The following ZNF500 variants were observed in gnomAD, a reference collection of about 807,000 sequenced individuals.
ZNF500 encodes the protein zinc finger protein with KRAB and SCAN domains 18.
ZNF500 carries 31 observed loss-of-function variants against 30.1 expected under a neutral mutation model. That is an observed-to-expected ratio of 1.03 (90% CI 0.77 to 1.39). ZNF500 has a LOEUF of 1.39. Ranked by LOEUF, ZNF500 falls within the 40% of genes most tolerant of loss-of-function variation. The pLI is 0.00. For synonymous variants in ZNF500, 392 were observed against 282.0 expected (o/e 1.39, Z -3.91); for missense variants, 817 against 657.8 (o/e 1.24, Z -2.65).
downstream of ZNF500, among the ~76,000 whole-genome samples, chr16:4,745,943 ACT>A (rs1177394795): frequency 2.3e-5 from 3 of 130,784 alleles, no homozygotes; most frequent in East Asian, 2.3e-4. Context: ...ACAGAGCAAG[ACT>A]CTGTCTCAAA....
In ZNF500 at chr16:4,752,088, A is replaced by G; in HGVS notation, c.*288T>C. The G allele has an allele frequency of 2.3e-6, 3 of 1,317,552 alleles. No individual in the cohort carries two copies. The highest frequency in any genetic ancestry group is 2.8e-4 in the Middle Eastern group (1 of 3,542). The allele number at this position is 1,317,552 out of a possible 1,614,324, so 81.6% of individuals were successfully genotyped here. On this transcript the variant is annotated 3_prime_UTR_variant, in exon 6 of 6. Coordinates refer to ENST00000219478, the MANE Select transcript of ZNF500 (RefSeq NM_021646.4). The stretch of plus-strand genomic sequence containing the variant: ...AGGAGCCAGCCCCACGAACACCTTG[A>G]GTGTCGGCTTCTGGCCTCCTGAGTG...
In ZNF500 at chr16:4,752,382, T is replaced by C; in HGVS notation, c.1437A>G (p.Lys479=). Residue 479 remains lysine, a synonymous_variant, in exon 6 of 6, where the codon AAA becomes AAG. Coordinates refer to ENST00000219478, the MANE Select transcript of ZNF500 (RefSeq NM_021646.4). The stretch of plus-strand genomic sequence containing the variant: ...GGAGTTTCAGGCCTGGTGATCAGGC[T>C]TTGGCACCGGGGCCTCCAGGAGCCA... The part of the protein sequence containing the change: ...QPVAPGGPGA[K]A The C allele has an allele frequency of 6.7e-7, 1 of 1,498,480 alleles. No homozygotes were observed. The highest frequency in any genetic ancestry group is 8.9e-7 in the Non-Finnish European group (1 of 1,126,750). 92.8% of individuals were successfully genotyped at this position (1,498,480 alleles called of 1,614,324 possible).
chr16:4,746,196 G>A (rs2082015610), downstream of ZNF500: 1 of 603,858 alleles, frequency 1.7e-6, no homozygotes, highest in South Asian at 2.6e-5. Flanking sequence ...GCCAGTGGTG[G>A]CCTAAATCTC....
Position 4,765,870 on chromosome 16 carries a change from G to A in ZNF500, c.109C>T (p.Pro37Ser), listed in dbSNP as rs201050302. The A allele has an allele frequency of 1.7e-4, 277 of 1,613,764 alleles. 1 individual carries two copies. The East Asian group carries it at 5.7e-3, about 33-fold the overall frequency. ...CTGGGGTCCTCCGTCTCCACGGAGGGCTCCTCTTCCAAGCAGAAGTCCTCC... is the reference window on the plus strand; with the variant it reads ...CTGGGGTCCTCCGTCTCCACGGAGGACTCCTCTTCCAAGCAGAAGTCCTCC... ...VEEDFCLEEE[P>S]SVETEDPSPE... Residue 37 changes from proline to serine, a missense_variant, in exon 2 of 6, where the codon CCC (proline) becomes TCC (serine). Transcript: ENST00000219478.
Position 4,752,767 on chromosome 16 carries a change from C to T in ZNF500, c.1052G>A (p.Arg351Gln), listed in dbSNP as rs376924975. The T allele has an allele frequency of 8.1e-6, 13 of 1,614,124 alleles. No homozygotes were observed. Among genetic ancestry groups the T allele is most frequent in the East Asian group, 4.5e-5 (2 of 44,892 alleles). ...CCCACAGACTAGGCACTTGTAAGGC[C>T]GCTCGCCCGTGTGTGTGCGCTGGTG... Reference protein sequence around the residue: ...TKHQRTHTGERPYKCLVCGKG... With the variant: ...TKHQRTHTGEQPYKCLVCGKG... The change falls in exon 6 of 6, where the codon CGG becomes CAG. Residue 351 changes from arginine to glutamine, a missense_variant. Transcript: ENST00000219478.
chr16:4,761,856 AAAAC>A (rs113304135), intron 4 of ZNF500, among the ~76,000 whole-genome samples: 3,785 of 150,386 alleles, frequency 0.025, 53 homozygotes, highest in Non-Finnish European at 0.029. Context: ...ACTTTGGCTC[AAAAC>A]AAACAAACAA....
chr16:4,751,581 G>A lies in ZNF500; in HGVS notation c.*795C>T, dbSNP rs1032786820. Reference sequence around the variant, plus strand: ...GAAGCTGGAGACCACGTCCTGGGAAGGCTGGGGTACAGCAGGGCTCCCTGC... The same window carrying A: ...GAAGCTGGAGACCACGTCCTGGGAAAGCTGGGGTACAGCAGGGCTCCCTGC... On this transcript the variant is annotated 3_prime_UTR_variant, in exon 6 of 6. Transcript: ENST00000219478. The A allele has an allele frequency of 5.9e-6, 9 of 1,534,328 alleles. No homozygotes were observed. Among genetic ancestry groups the A allele is most frequent in the Admixed American group, 3.9e-5 (2 of 50,834 alleles).
At chr16:4,761,500 CACACACACACACACACACACACACACAT>C (rs1205901011) in intron 4 of ZNF500, among the ~76,000 whole-genome samples, 5 of 147,130 alleles carry the variant, frequency 3.4e-5, no homozygotes, top group African/African-American at 1.3e-4. Flanking sequence ...CACACACACA[CACACACACACACACACACACACACACAT>C]ATAAAAATTA....
Position 4,752,496 on chromosome 16 carries a change from G to C in ZNF500, c.1323C>G (p.Ala441=), listed in dbSNP as rs571257120. ...TGCCCCGGCGGAAGCCCCGGCCACA[G>C]GCCGGGCAGGTGTAGGGCTTCTCAC... is the stretch of plus-strand genomic sequence containing the variant. ...HTGEKPYTCP[A]CGRGFRRGTD... The change falls in exon 6 of 6, where the codon GCC becomes GCG. Residue 441 remains alanine, a synonymous_variant. Transcript: ENST00000219478. 8 of 1,551,636 alleles carry C rather than the reference G, an allele frequency of 5.2e-6. No homozygotes were observed. The highest frequency in any genetic ancestry group is 6.9e-6 in the Non-Finnish European group (8 of 1,153,446).
At chr16:4,754,163 C>A (rs921614038) in intron 5 of ZNF500, among the ~76,000 whole-genome samples, 1 of 152,154 alleles carries the variant, frequency 6.6e-6, no homozygotes, top group Non-Finnish European at 1.5e-5. Flanking sequence ...AGAGGCTCTG[C>A]GCATGGTAGG....
downstream of ZNF500, among the ~76,000 whole-genome samples, chr16:4,745,589 CA>C (rs1226858674): frequency 1.3e-5 from 2 of 152,200 alleles, no homozygotes; most frequent in African/African-American, 4.8e-5. Context: ...ATCTGAGAAC[CA>C]GTGAATCCCT....
chr16:4,763,110 T>C (rs1048704451), intron 2 of ZNF500: 4 of 985,418 alleles, frequency 4.1e-6, no homozygotes, highest in Middle Eastern at 1.0e-3. Flanking sequence ...TTTTTTGAAA[T>C]TATCTGGCCA....
In ZNF500 at chr16:4,760,667, T is replaced by A. The variant is rs1412478208; in HGVS notation, c.664-79A>T. On this transcript the variant is annotated intron_variant, in intron 4 of 5. Transcript: ENST00000219478. ...AACTAAGGCCACTGGCCCAGGGAGCTGCACCGCCACTGCCCCTCGAGGCTG... is the reference window on the plus strand; with the variant it reads ...AACTAAGGCCACTGGCCCAGGGAGCAGCACCGCCACTGCCCCTCGAGGCTG... 20 of 1,307,324 alleles carry A rather than the reference T, an allele frequency of 1.5e-5. No homozygotes were observed. The East Asian group carries it at 4.2e-4, about 28-fold the overall frequency. 81.0% of individuals were successfully genotyped at this position (1,307,324 alleles called of 1,614,324 possible).
chr16:4,762,908 G>C (rs2082222710), intron 2 of ZNF500, 152 bp from the exon 3 acceptor site: 1 of 1,409,444 alleles, frequency 7.1e-7, no homozygotes, highest in South Asian at 1.6e-5. Context: ...CCGTGTGGCA[G>C]TGTTCCCTGC....
downstream of ZNF500, among the ~76,000 whole-genome samples, chr16:4,744,678 GC>G (rs892627691): frequency 1.8e-4 from 28 of 152,118 alleles, no homozygotes; most frequent in South Asian, 6.2e-4. Context: ...TAAAGATTCT[GC>G]CCCCCTCAGC....
chr16:4,759,267 A>C (rs1182328710), intron 5 of ZNF500, among the ~76,000 whole-genome samples: 1 of 152,022 alleles, frequency 6.6e-6, no homozygotes, highest in Non-Finnish European at 1.5e-5. Flanking sequence ...ATGTGGAGAA[A>C]CTGGAACCCT....
At position 4,752,652 on chromosome 16, in the gene ZNF500, G is replaced by C; in HGVS notation, c.1167C>G (p.Arg389=). Residue 389 remains arginine (R), a synonymous_variant, in exon 6 of 6, where the codon CGC becomes CGG. Coordinates refer to ENST00000219478, the MANE Select transcript of ZNF500 (RefSeq NM_021646.4). The stretch of plus-strand genomic sequence containing the variant: ...TGACCAGGCTGGAGCTCTGGCTGAA[G>C]CGCTTCCCACACTCGGGGCACGGGT... ...KPYPCPECGK[R]FSQSSSLVIH... The C allele has an allele frequency of 6.2e-7, 1 of 1,613,018 alleles. No homozygotes were observed. The highest frequency in any genetic ancestry group is 1.7e-5 in the Admixed American group (1 of 59,750).
At position 4,752,355 on chromosome 16, in the gene ZNF500, A is replaced by G; in HGVS notation, c.*21T>C. 1 of 1,464,662 alleles carries G rather than the reference A, an allele frequency of 6.8e-7. No individual in the cohort carries two copies. The highest frequency in any genetic ancestry group is 9.0e-7 in the Non-Finnish European group (1 of 1,112,088). 90.7% of individuals were successfully genotyped at this position (1,464,662 alleles called of 1,614,324 possible). ...GTGCCCAGGGATGAGAGTCCTGGAAAGGGAGTTTCAGGCCTGGTGATCAGG... is the reference window on the plus strand; with the variant it reads ...GTGCCCAGGGATGAGAGTCCTGGAAGGGGAGTTTCAGGCCTGGTGATCAGG... On this transcript the variant is annotated 3_prime_UTR_variant, in exon 6 of 6. Coordinates refer to ENST00000219478, the MANE Select transcript of ZNF500 (RefSeq NM_021646.4).
chr16:4,747,612 T>C, downstream of ZNF500: 1 of 1,607,538 alleles, frequency 6.2e-7, no homozygotes, highest in Admixed American at 1.7e-5. Context: ...ATGCCTCCTC[T>C]GGAGCAACTA....
Sources: allele counts gnomAD v4.1 joint callset (sites outside exome capture counted in the v4.1 genomes callset), GRCh38; gene constraint gnomAD v4.1.1; transcripts MANE v1.5; gene names NCBI Gene and HGNC (gene_info 2026-07-23, HGNC 2026-07-21).